Variants in ZNF516 observed in about 807,000 individuals in gnomAD.
The protein encoded by ZNF516 is zinc finger protein 516.
Under a neutral mutation model 79.7 loss-of-function variants are expected in ZNF516, and 19 were observed. The observed-to-expected ratio is 0.24, with a 90% confidence interval of 0.17 to 0.35. The LOEUF (loss-of-function observed/expected upper bound fraction) is 0.35, where lower values mean the gene tolerates loss of function less well. Ranked by LOEUF, ZNF516 falls within the 10% of genes least tolerant of loss-of-function variation. ZNF516 has a pLI of 1.00. For missense variants in ZNF516, 1,678 were observed against 1,679.5 expected, an observed-to-expected ratio of 1.00 and a Z score of 0.02; for synonymous variants, 877 against 739.5, an observed-to-expected ratio of 1.19 and a Z score of -3.02.
chr18:76,453,854 G>T (rs1912563087), intron 2 of ZNF516, among the ~76,000 whole-genome samples: 1 of 152,146 alleles, frequency 6.6e-6, no homozygotes, highest in Non-Finnish European at 1.5e-5. Flanking sequence ...TATTTTAACT[G>T]AAATTTGTTT....
At chr18:76,440,767 C>T (rs987188474) in intron 3 of ZNF516, among the ~76,000 whole-genome samples, 17 of 68,600 alleles carry the variant, frequency 2.5e-4, no homozygotes, top group African/African-American at 6.5e-4. Flanking sequence ...TGTGTGCGCG[C>T]ACGCGCGCAT....
At chr18:76,392,928 G>GAAGCC (rs1447282127) in intron 3 of ZNF516, among the ~76,000 whole-genome samples, 4 of 4 alleles carry the variant, frequency 1, 2 homozygotes, top group Non-Finnish European at 1. Flanking sequence ...GGTCAGGTGG[G>GAAGCC]GGGAGGGCAG....
chr18:76,441,883 G>A lies in ZNF516; in HGVS notation c.1172C>T (p.Pro391Leu), dbSNP rs776257877. The A allele has an allele frequency of 2.1e-5, 34 of 1,592,726 alleles. No homozygotes were observed. The Admixed American group carries it at 3.1e-4, about 14-fold the overall frequency. ...AGGGCACGAGTCGCCGGCCGCCGACGGCCTCAGGTTCAGGCACTGGAGGAA... is the reference window on the plus strand; with the variant it reads ...AGGGCACGAGTCGCCGGCCGCCGACAGCCTCAGGTTCAGGCACTGGAGGAA... ...QFFLQCLNLR[P>L]SAAGDSCPGT... is the part of the protein sequence containing the mutation. Residue 391 changes from proline to leucine, a missense_variant, in exon 3 of 7, where the codon CCG (proline) becomes CTG (leucine). By Grantham distance (98) the Pro-to-Leu change is moderately conservative (BLOSUM62 -3). Around this residue, in one of 5 missense-constraint regions of ZNF516, gnomAD observed 1,294 missense variants for 1,248.3 expected, o/e 1.04. Coordinates refer to ENST00000443185, the MANE Select transcript of ZNF516 (RefSeq NM_014643.4).
intron 1 of ZNF516, chr18:76,491,012 C>T (rs546715772): frequency 1.0e-6 from 1 of 985,450 alleles, no homozygotes; most frequent in Non-Finnish European, 1.2e-6. Context: ...GCCCGGGTGC[C>T]CACCGCCAAC....
intron 2 of ZNF516, among the ~76,000 whole-genome samples, chr18:76,447,879 A>ATGTGAGTGTG (rs1340033636): frequency 4.6e-5 from 7 of 152,216 alleles, no homozygotes; most frequent in Admixed American, 2.0e-4. Flanking sequence ...CTCTTGCTGT[A>ATGTGAGTGTG]TGTGAGTGTG....
chr18:76,431,150 C>A (rs1052782054), intron 3 of ZNF516, among the ~76,000 whole-genome samples: 3 of 152,082 alleles, frequency 2.0e-5, no homozygotes, highest in African/African-American at 4.8e-5. Flanking sequence ...GAAAAACTAG[C>A]CTCAGATTAG....
At chr18:76,378,390 T>C (rs532321858) in intron 4 of ZNF516, 1 of 153,980 alleles carries the variant, frequency 6.5e-6, no homozygotes, top group African/African-American at 2.4e-5. Flanking sequence ...GGTGTTTTTT[T>C]AATTACAGAT....
intron 3 of ZNF516, among the ~76,000 whole-genome samples, chr18:76,438,936 A>G (rs1049011416): frequency 6.6e-6 from 1 of 152,246 alleles, no homozygotes; most frequent in Non-Finnish European, 1.5e-5. Context: ...AGACACTCTA[A>G]CAGTGTTAAC....
chr18:76,451,880 T>C lies in ZNF516; in HGVS notation c.-157-8669A>G, dbSNP rs764658612. 7.2e-5 allele frequency among the ~76,000 whole-genome samples: 11 copies of C among 152,190 alleles called. No individual in the cohort carries two copies. The highest frequency in any genetic ancestry group is 1.5e-4 in the Non-Finnish European group (10 of 68,034). On this transcript the variant is annotated intron_variant, in intron 2 of 6. Coordinates refer to ENST00000443185, the MANE Select transcript of ZNF516 (RefSeq NM_014643.4). This position sits in a 1 kb window ranked among gnomAD's most constrained non-coding sequence, Gnocchi z 6.0. ...GAAGAGTTCCTCTCCCTACAAACCA[T>C]TCTGTACACCAGTAACAATTACAGG... is the stretch of plus-strand genomic sequence containing the variant.
At chr18:76,380,449 C>G (rs893074428) in intron 3 of ZNF516, 146 bp from the exon 4 acceptor site, 3 of 1,020,530 alleles carry the variant, frequency 2.9e-6, no homozygotes, top group Non-Finnish European at 4.2e-6. Flanking sequence ...TCTTAGAAAA[C>G]CCCTGAGGAG....
rs1247017760 is a variant in ZNF516 at position 76,360,662 on chromosome 18, T to A, written c.*1836A>T. On this transcript the variant is annotated 3_prime_UTR_variant, in exon 7 of 7. Coordinates refer to ENST00000443185, the MANE Select transcript of ZNF516 (RefSeq NM_014643.4). ...AAAAAAAAAAATATATATATATATA[T>A]ATATATATATATATATAAGCTAGCC... 4.8e-4 allele frequency: 56 copies of A among 116,564 alleles called. No homozygotes were observed. Among genetic ancestry groups the A allele is most frequent in the African/African-American group, 1.1e-3 (38 of 33,568 alleles). 7.2% of individuals were successfully genotyped at this position (116,564 alleles called of 1,614,324 possible). A position where few individuals can be genotyped will look rare whatever the true frequency, so the allele number is the denominator to read the frequency against.
chr18:76,396,904 A>G (rs7237974), intron 3 of ZNF516, among the ~76,000 whole-genome samples: 44,234 of 152,172 alleles, frequency 0.29, 7,469 homozygotes, highest in East Asian at 0.47. Flanking sequence ...TTTCCATGAA[A>G]AAACAAGACA....
Position 76,467,206 on chromosome 18 carries a change from A to C in ZNF516, c.-271-4065T>G, listed in dbSNP as rs1216167479. ...GCGTGTCTCTCGGAACCTGCAGCTC[A>C]CAGCCCCTCTGGGCTGGCAGGAAGT... On this transcript the variant is annotated intron_variant, in intron 1 of 6. Coordinates refer to ENST00000443185, the MANE Select transcript of ZNF516 (RefSeq NM_014643.4). This position sits in a 1 kb window ranked among gnomAD's most constrained non-coding sequence, Gnocchi z 4.2. Among the ~76,000 whole-genome samples, 16 of 39,824 alleles carry C rather than the reference A, an allele frequency of 4.0e-4. No homozygotes were observed. The highest frequency in any genetic ancestry group is 1.1e-3 in the African/African-American group (13 of 12,180). 26.1% of individuals were successfully genotyped at this position (39,824 alleles called of 152,430 possible).
At chr18:76,404,815 G>A (rs887464937) in intron 3 of ZNF516, among the ~76,000 whole-genome samples, 1 of 149,214 alleles carries the variant, frequency 6.7e-6, no homozygotes, top group Admixed American at 6.7e-5. Flanking sequence ...TAGCATGTGT[G>A]CACGAGTTTG....
intron 1 of ZNF516, among the ~76,000 whole-genome samples, chr18:76,485,287 G>C (rs1313858194): frequency 6.6e-6 from 1 of 152,136 alleles, no homozygotes; most frequent in African/African-American, 2.4e-5. Flanking sequence ...TCTAAATCTG[G>C]GGGGAATATG....
chr18:76,491,634 C>A (rs1599174587), intron 1 of ZNF516: 1 of 714,102 alleles, frequency 1.4e-6, no homozygotes, highest in Non-Finnish European at 1.7e-6. Context: ...CGCCCACGGC[C>A]CTCCTCCTGG....
chr18:76,367,312 C>A (rs1012271756), intron 6 of ZNF516, among the ~76,000 whole-genome samples: 1 of 152,210 alleles, frequency 6.6e-6, no homozygotes, highest in African/African-American at 2.4e-5. Context: ...TCAAGCTAAG[C>A]GCCTCCAAAG....
intron 2 of ZNF516, among the ~76,000 whole-genome samples, chr18:76,444,432 C>T (rs528631923): frequency 1.3e-5 from 2 of 152,326 alleles, no homozygotes; most frequent in South Asian, 2.1e-4. Context: ...AGAAAGGAAG[C>T]GTGTTTGTAT....
At chr18:76,495,743 G>A, upstream of ZNF516, 1 of 1,172,528 alleles carries the variant, frequency 8.5e-7, no homozygotes. Flanking sequence ...TGGGCACTGC[G>A]CCCCATCTGG....
Sources: allele counts gnomAD v4.1 joint callset (sites outside exome capture counted in the v4.1 genomes callset), GRCh38; gene constraint gnomAD v4.1.1; regional missense constraint gnomAD v4.1.1; non-coding constraint Gnocchi (gnomAD v3.1); transcripts MANE v1.5; gene names NCBI Gene and HGNC (gene_info 2026-07-23, HGNC 2026-07-21).